The following UBR4 variants were observed in gnomAD, a reference collection of about 807,000 sequenced individuals.
UBR4 encodes the protein E3 ubiquitin-protein ligase UBR4.
In UBR4, 124 loss-of-function variants were observed where a neutral mutation model predicts 575.6. The ratio of observed to expected loss-of-function variants is 0.22; its 90% confidence interval spans 0.19 to 0.25. The LOEUF is 0.25. Among genes scored for constraint, UBR4 ranks in the 10% least tolerant of loss-of-function variants. The pLI, the probability that UBR4 is intolerant of heterozygous loss-of-function variation, is 1.00. For missense variants in UBR4, 4,818 were observed against 6,478.8 expected, an observed-to-expected ratio of 0.74 and a Z score of 8.80; for synonymous variants, 2,455 against 2,473.7, an observed-to-expected ratio of 0.99 and a Z score of 0.22.
chr1:19,092,997 T>A (rs2077674835), intron 96 of UBR4, 79 bp from the exon 97 acceptor site: 1 of 1,321,104 alleles, frequency 7.6e-7, no homozygotes. Flanking sequence ...TCTGGCTTGT[T>A]TAAACCCCCA....
intron 1 of UBR4, among the ~76,000 whole-genome samples, chr1:19,207,497 C>T (rs2093068978): frequency 2.0e-5 from 3 of 152,234 alleles, no homozygotes; most frequent in East Asian, 1.9e-4. Context: ...GGTCTGGTGG[C>T]GCACATCTAT....
Position 19,155,523 on chromosome 1 carries a change from T to C in UBR4, c.6218A>G (p.Gln2073Arg). The C allele has an allele frequency of 6.2e-7, 1 of 1,614,174 alleles. No individual in the cohort carries two copies. The highest frequency in any genetic ancestry group is 8.5e-7 in the Non-Finnish European group (1 of 1,180,020). ...GGCACTGCTGGCCTCTTCCATAAGC[T>C]GAGTATAGATGTACCCAGCCGAAGA... ...IMSSAGYIYT[Q>R]LMEEASSAQQ... The change falls in exon 43 of 106, where the codon CAG (glutamine) becomes CGG (arginine). Residue 2073 changes from glutamine (Q) to arginine (R), a missense_variant. Gln to Arg is a conservative substitution (Grantham distance 43). Around this residue, in one of 29 missense-constraint regions of UBR4, gnomAD observed 461 missense variants for 606.9 expected, o/e 0.76. Transcript: ENST00000375254.
Position 19,113,749 on chromosome 1 carries a change from A to G in UBR4, c.11407T>C (p.Tyr3803His). 1 of 1,614,022 alleles carries G rather than the reference A, an allele frequency of 6.2e-7. No individual in the cohort carries two copies. Among genetic ancestry groups the G allele is most frequent in the Non-Finnish European group, 8.5e-7 (1 of 1,180,000 alleles). Reference protein sequence around the residue: ...NRYILQLAQEYCGDCKNSFDE... With the variant: ...NRYILQLAQEHCGDCKNSFDE... ...AAAGAGTTCTTGCAGTCTCCACAAT[A>G]CTCCTGAGCCAACTGCAGGATGTAA... Residue 3803 changes from tyrosine to histidine, a missense_variant, in exon 77 of 106, where the codon TAT (tyrosine) becomes CAT (histidine). Coordinates refer to ENST00000375254, the MANE Select transcript of UBR4 (RefSeq NM_020765.3).
chr1:19,110,787 G>GC lies in UBR4; in HGVS notation c.11846dup (p.Lys3950GlnfsTer18). On this transcript the variant is annotated frameshift_variant, in exon 79 of 106. Transcript: ENST00000375254. LOFTEE classifies it high-confidence loss of function. The surrounding 1 kb of genome is among the most constrained non-coding windows in gnomAD (Gnocchi z 4.5). ...GGCCCTTCAGGGCTGTGGAGACCTT[G>GC]CCAATAATCAGGTCATTCATCTGTT... 6.2e-7 allele frequency: 1 copy of GC among 1,614,186 alleles called. No individual in the cohort carries two copies. Among genetic ancestry groups the GC allele is most frequent in the Non-Finnish European group, 8.5e-7 (1 of 1,180,026 alleles).
Position 19,099,893 on chromosome 1 carries a change from C to G in UBR4, c.13222-216G>C, listed in dbSNP as rs182534894. Among the ~76,000 whole-genome samples, 22 of 152,310 alleles carry G rather than the reference C, an allele frequency of 1.4e-4. No individual in the cohort carries two copies. In the East Asian group the frequency reaches 4.2e-3, roughly 29 times the overall value. On this transcript the variant is annotated intron_variant, in intron 89 of 105. Transcript: ENST00000375254. ...GCTGCTAACGTCCCTAACCCACACACAGGCTCCAGCTTAGACACACCCACC... is the reference window on the plus strand; with the variant it reads ...GCTGCTAACGTCCCTAACCCACACAGAGGCTCCAGCTTAGACACACCCACC...
At chr1:19,147,705 G>A (rs562489418) in intron 51 of UBR4, among the ~76,000 whole-genome samples, 2 of 151,538 alleles carry the variant, frequency 1.3e-5, no homozygotes, top group Non-Finnish European at 3.0e-5. Flanking sequence ...CCCTTTTCCA[G>A]CGAGAAGGCT....
intron 94 of UBR4, 58 bp from the exon 95 acceptor site, chr1:19,094,197 C>T (rs2077798271): frequency 1.4e-6 from 2 of 1,429,352 alleles, no homozygotes; most frequent in East Asian, 4.8e-5. Context: ...TGGCTGCAGC[C>T]AACATCTGAG....
Position 19,199,905 on chromosome 1 carries a change from G to C in UBR4, c.275-151C>G, listed in dbSNP as rs1414722790. On this transcript the variant is annotated intron_variant, in intron 2 of 105. Coordinates refer to ENST00000375254, the MANE Select transcript of UBR4 (RefSeq NM_020765.3). ...CCCAAGGGGTAAACAAAGGCATTTTGACATCAATAACTACCAGATCAATTT... is the reference window on the plus strand; with the variant it reads ...CCCAAGGGGTAAACAAAGGCATTTTCACATCAATAACTACCAGATCAATTT... 7.6e-6 allele frequency: 5 copies of C among 661,912 alleles called. No individual in the cohort carries two copies. In the Admixed American group the frequency reaches 8.3e-5, roughly 11 times the overall value. The allele number at this position is 661,912 out of a possible 1,614,324, so 41.0% of individuals were successfully genotyped here. A position where few individuals can be genotyped will look rare whatever the true frequency, so the allele number is the denominator to read the frequency against.
Position 19,099,606 on chromosome 1 carries a change from G to A in UBR4, c.13293C>T (p.Thr4431=). The change falls in exon 90 of 106, where the codon ACC becomes ACT. Residue 4431 remains threonine, a synonymous_variant. Coordinates refer to ENST00000375254, the MANE Select transcript of UBR4 (RefSeq NM_020765.3). Reference sequence around the variant, plus strand: ...GAAAGCAGGCACATACCTCATTCGTGGTACACCAGACTTTCTTGTAAACTT... The same window carrying A: ...GAAAGCAGGCACATACCTCATTCGTAGTACACCAGACTTTCTTGTAAACTT... ...VAEVYKKVWC[T]TNEGEPMRIV... is the part of the protein sequence containing the mutation. The A allele has an allele frequency of 1.2e-6, 2 of 1,613,778 alleles. No individual in the cohort carries two copies. The highest frequency in any genetic ancestry group is 1.7e-6 in the Non-Finnish European group (2 of 1,179,838).
intron 22 of UBR4, 135 bp downstream of exon 22, chr1:19,174,184 T>C: frequency 8.3e-7 from 1 of 1,209,782 alleles, no homozygotes; most frequent in Non-Finnish European, 1.1e-6. Context: ...ACAAACTACC[T>C]AGAAATACTC....
chr1:19,105,174 C>T lies in UBR4; in HGVS notation c.12519G>A (p.Leu4173=), dbSNP rs376051808. Residue 4173 remains leucine, a synonymous_variant, in exon 85 of 106, where the codon CTG becomes CTA. Transcript: ENST00000375254. ...LDLLTSYLDE[L]SIAGECAAEY... ...CAGCTGCACACTCCCCAGCTATGCTCAGCTCATCCAGGTAACTGCCACCAA... is the reference window on the plus strand; with the variant it reads ...CAGCTGCACACTCCCCAGCTATGCTTAGCTCATCCAGGTAACTGCCACCAA... 2.6e-5 allele frequency: 42 copies of T among 1,612,384 alleles called. No homozygotes were observed. The highest frequency in any genetic ancestry group is 3.5e-5 in the Non-Finnish European group (41 of 1,179,508).
chr1:19,110,394 A>T lies in UBR4; in HGVS notation c.11963T>A (p.Leu3988His), dbSNP rs764049461. 6.2e-7 allele frequency: 1 copy of T among 1,614,098 alleles called. No homozygotes were observed. Among genetic ancestry groups the T allele is most frequent in the Non-Finnish European group, 8.5e-7 (1 of 1,180,006 alleles). ...SISKEDSCWE[L>H]RLRCALSLFL... ...CCCTAACTCACCACAGCGTAACCGG[A>T]GCTCCCAGCAGCTGTCCTCCTTGGA... is the stretch of plus-strand genomic sequence containing the variant. The change falls in exon 80 of 106, where the codon CTC (leucine) becomes CAC (histidine). Residue 3988 changes from leucine (L) to histidine (H), a missense_variant. Leu to His is a moderately conservative substitution (Grantham distance 99). Around this residue, in one of 29 missense-constraint regions of UBR4, gnomAD observed 333 missense variants for 459.2 expected, o/e 0.73. Transcript: ENST00000375254. This position sits in a 1 kb window ranked among gnomAD's most constrained non-coding sequence, Gnocchi z 4.5.
intron 64 of UBR4, among the ~76,000 whole-genome samples, chr1:19,125,061 G>A (rs2081579509): frequency 6.6e-6 from 1 of 152,108 alleles, no homozygotes; most frequent in African/African-American, 2.4e-5. Context: ...TCTATGAGAT[G>A]TATTCTATCC....
In UBR4 at chr1:19,086,883, A is replaced by C; in HGVS notation, c.14545-62T>G. ...ACTCCAAGTCAGGCTCAGGAGAAGC[A>C]GAATAGAGGGGAACTGCCGCCCTTC... On this transcript the variant is annotated intron_variant, in intron 99 of 105. Transcript: ENST00000375254. 1.9e-6 allele frequency: 3 copies of C among 1,590,726 alleles called. No homozygotes were observed. The East Asian group carries it at 6.7e-5, about 36-fold the overall frequency.
intron 64 of UBR4, among the ~76,000 whole-genome samples, chr1:19,126,216 T>G (rs2081760321): frequency 6.6e-6 from 1 of 152,192 alleles, no homozygotes; most frequent in African/African-American, 2.4e-5. Context: ...GAGATAACCA[T>G]GATCTCATTC....
rs2148973888 is a variant in UBR4 at position 19,097,185 on chromosome 1, T to C, written c.13390+8A>G. 2 of 1,609,050 alleles carry C rather than the reference T, an allele frequency of 1.2e-6. No homozygotes were observed. Among genetic ancestry groups the C allele is most frequent in the Non-Finnish European group, 1.7e-6 (2 of 1,178,044 alleles). ...GCCTCAGATCCAATGTGCAGTGCCATGATCTACCTGTAGTAGAGTCCAGGG... is the reference window on the plus strand; with the variant it reads ...GCCTCAGATCCAATGTGCAGTGCCACGATCTACCTGTAGTAGAGTCCAGGG... On this transcript the variant is annotated splice_region_variant and intron_variant, in intron 91 of 105. Transcript: ENST00000375254.
At chr1:19,169,725 C>T (rs1280829391) in intron 26 of UBR4, among the ~76,000 whole-genome samples, 193 bp from the exon 27 acceptor site, 1 of 152,212 alleles carries the variant, frequency 6.6e-6, no homozygotes, top group Non-Finnish European at 1.5e-5. Context: ...ATAGCTAACA[C>T]TCTCAATTGT....
rs747148639 is a variant in UBR4, at chr1:19,184,137, G to C, written c.1977C>G (p.Thr659=). ...GLASNILNFI[T]SSMLNSRNNF... ...TGTTCCGAGAGTTCAGCATGGAAGA[G>C]GTGATGAAGTTCAAAATGTTGGAAG... The change falls in exon 16 of 106, where the codon ACC becomes ACG. Residue 659 remains threonine (T), a synonymous_variant. Transcript: ENST00000375254. The C allele has an allele frequency of 6.2e-7, 1 of 1,614,158 alleles. No individual in the cohort carries two copies. The highest frequency in any genetic ancestry group is 1.7e-5 in the Admixed American group (1 of 60,032).
intron 89 of UBR4, 130 bp from the exon 90 acceptor site, chr1:19,099,807 C>T (rs1449733405): frequency 1.4e-6 from 1 of 716,448 alleles, no homozygotes; most frequent in East Asian, 2.8e-5. Flanking sequence ...TATCAACTCT[C>T]CCACTCTTAA....
Sources: gnomAD v4.1 joint callset for allele counts (sites outside exome capture counted in the v4.1 genomes callset) on GRCh38, gnomAD v4.1.1 for gene constraint, gnomAD v4.1.1 regional missense constraint, Gnocchi (gnomAD v3.1) non-coding constraint, MANE v1.5 for transcripts, NCBI Gene and HGNC (gene_info 2026-07-23, HGNC 2026-07-21) for gene names.